TENM1: variants seen among roughly 807,000 people sequenced by gnomAD.
TENM1 encodes the protein teneurin-1.
A neutral mutation model predicts 174.8 loss-of-function variants in TENM1; 35 were observed. That is an observed-to-expected ratio of 0.20 (90% CI 0.15 to 0.27). The LOEUF is 0.27. Among genes scored for constraint, TENM1 ranks in the 10% least tolerant of loss-of-function variants. The probability of loss-of-function intolerance (pLI) is 1.00; values close to 1 mark genes in which losing one functional copy is unlikely to be tolerated. For missense variants in TENM1, 1,633 were observed against 2,130.1 expected (o/e 0.77, Z 4.59); for synonymous variants, 781 against 798.7 (o/e 0.98, Z 0.37).
chrX:125,038,826 T>C, the TENM1 span, among the ~76,000 whole-genome samples: 1 of 112,024 alleles, frequency 8.9e-6, no homozygotes, highest in African/African-American at 3.2e-5. Flanking sequence ...AAATGCTGAC[T>C]GCTAGGACCG....
intron 3 of TENM1, among the ~76,000 whole-genome samples, chrX:124,828,187 A>T (rs2056210562): frequency 8.9e-6 from 1 of 112,402 alleles, no homozygotes; most frequent in African/African-American, 3.2e-5. Context: ...TTCATTTCTA[A>T]CAGTAAATGA....
chrX:124,680,426 C>T (rs1367968899), intron 5 of TENM1, among the ~76,000 whole-genome samples: 1 of 110,964 alleles, frequency 9.0e-6, no homozygotes, highest in African/African-American at 3.3e-5. Context: ...AAGACTACAG[C>T]AATATTTATA....
At chrX:124,814,051 A>T (rs1000496819) in intron 3 of TENM1, among the ~76,000 whole-genome samples, 1 of 111,785 alleles carries the variant, frequency 8.9e-6, no homozygotes, top group East Asian at 2.8e-4. Flanking sequence ...AGATGGCTGA[A>T]GGATAGAATG....
At chrX:124,796,262 G>A (rs2055303499) in intron 3 of TENM1, among the ~76,000 whole-genome samples, 1 of 111,969 alleles carries the variant, frequency 8.9e-6, no homozygotes, top group African/African-American at 3.2e-5. Context: ...TGAGAAGGAA[G>A]TTATTTCTTA....
chrX:124,767,466 A>C (rs1239493886), intron 3 of TENM1, among the ~76,000 whole-genome samples: 1 of 111,419 alleles, frequency 9.0e-6, no homozygotes, highest in Non-Finnish European at 1.9e-5. Flanking sequence ...TAGTATTAAT[A>C]TTTACCTTGA....
chrX:125,089,772 T>C, the TENM1 span, among the ~76,000 whole-genome samples: 1 of 111,228 alleles, frequency 9.0e-6, no homozygotes, highest in Non-Finnish European at 1.9e-5. Context: ...TGGAGAAGCA[T>C]AGGGAATGAC....
the TENM1 span, among the ~76,000 whole-genome samples, chrX:125,027,663 G>A: frequency 9.8e-6 from 1 of 102,453 alleles, no homozygotes; most frequent in South Asian, 4.8e-4. Context: ...CGCCAGGCTG[G>A]AGTGCAGTGG....
chrX:124,991,493 A>G, the TENM1 span, among the ~76,000 whole-genome samples: 1 of 106,467 alleles, frequency 9.4e-6, no homozygotes, highest in African/African-American at 3.4e-5. Flanking sequence ...AGAGAGGGAG[A>G]GAGACAGAGA....
intron 3 of TENM1, among the ~76,000 whole-genome samples, chrX:124,765,100 C>T (rs149748153): frequency 0.011 from 1,258 of 111,506 alleles, 27 homozygotes; most frequent in African/African-American, 0.039. Context: ...CCTCCTAAGA[C>T]ACATGAAGCC....
At chrX:124,876,912 C>A (rs966699187) in intron 3 of TENM1, among the ~76,000 whole-genome samples, 1 of 111,756 alleles carries the variant, frequency 8.9e-6, no homozygotes, top group African/African-American at 3.2e-5. Context: ...GACATACTCA[C>A]GTCTTATTTT....
At chrX:124,745,455 C>T (rs1380613062) in intron 3 of TENM1, among the ~76,000 whole-genome samples, 1 of 111,423 alleles carries the variant, frequency 9.0e-6, no homozygotes, top group Non-Finnish European at 1.9e-5. Context: ...CAATGTTTTG[C>T]GGTCACCTGT....
chrX:124,977,965 TGTGAGAGAGAGAGAGA>T, the TENM1 span, among the ~76,000 whole-genome samples: 192 of 14,602 alleles, frequency 0.013, 1 homozygote, highest in African/African-American at 0.021. Flanking sequence ...TGTGTGTGTG[TGTGAGAGAGAGAGAGA>T]GAGAGAGAGA....
chrX:124,796,021 C>T (rs1603207649), intron 3 of TENM1, among the ~76,000 whole-genome samples: 1 of 111,335 alleles, frequency 9.0e-6, no homozygotes, highest in African/African-American at 3.3e-5. Flanking sequence ...AAATCACTCT[C>T]ATCTACTCTC....
exon 2 of TENM1, chrX:124,896,187 A>G (rs1199372998): frequency 9.9e-6 from 12 of 1,209,535 alleles, no homozygotes; most frequent in African/African-American, 3.5e-5. Context: ...AACGCTGTGC[A>G]TGTCTGTTTG....
At chrX:124,471,323 TA>T (rs1312056986) in intron 22 of TENM1, among the ~76,000 whole-genome samples, 3 of 25,682 alleles carry the variant, frequency 1.2e-4, no homozygotes, top group Non-Finnish European at 1.9e-4. Flanking sequence ...CTATATATTA[TA>T]ATATATAGTA....
intron 11 of TENM1, among the ~76,000 whole-genome samples, chrX:124,595,371 C>T (rs1041550077): frequency 9.0e-6 from 1 of 111,064 alleles, no homozygotes; most frequent in African/African-American, 3.3e-5. Context: ...TAAATGTATA[C>T]AATTTTATTT....
chrX:124,394,738 A>G (rs2060315455), intron 27 of TENM1, among the ~76,000 whole-genome samples: 1 of 112,495 alleles, frequency 8.9e-6, no homozygotes, highest in Admixed American at 9.4e-5. Context: ...ATCTCTGTGC[A>G]TACATTTAAA....
chrX:124,490,262 C>T (rs761828153), intron 20 of TENM1, among the ~76,000 whole-genome samples: 33 of 111,520 alleles, frequency 3.0e-4, no homozygotes, highest in Non-Finnish European at 5.5e-4. Context: ...CCTTGAGTAC[C>T]ACTGCTAATA....
At chrX:125,127,315 C>A in the TENM1 span, among the ~76,000 whole-genome samples, 14 of 111,500 alleles carry the variant, frequency 1.3e-4, no homozygotes, top group Non-Finnish European at 2.3e-4. Context: ...CTTAGTATGG[C>A]AGGAAAACAG....
Sources: gnomAD v4.1 joint callset for allele counts (sites outside exome capture counted in the v4.1 genomes callset) on GRCh38, gnomAD v4.1.1 for gene constraint, MANE v1.5 for transcripts, NCBI Gene and HGNC (gene_info 2026-07-23, HGNC 2026-07-21) for gene names.